Variants in FMNL2 observed in about 807,000 individuals in gnomAD.
FMNL2 encodes the protein formin-like protein 2.
In FMNL2, 51 loss-of-function variants were observed where a neutral mutation model predicts 130.2. That is an observed-to-expected ratio of 0.39 (90% CI 0.31 to 0.49). The LOEUF (loss-of-function observed/expected upper bound fraction) is 0.49. Ranked by LOEUF, FMNL2 falls within the 20% of genes least tolerant of loss-of-function variation. FMNL2 has a pLI of 0.85. For synonymous variants in FMNL2, 465 were observed against 467.1 expected (o/e 1.00, Z 0.06); for missense variants, 977 against 1,316.2 (o/e 0.74, Z 3.99).
intron 2 of FMNL2, 28 bp downstream of exon 2, chr2:152,522,054 GA>G: frequency 1.9e-6 from 3 of 1,562,832 alleles, no homozygotes; most frequent in East Asian, 2.3e-5. Flanking sequence ...TTTCTTTTAT[GA>G]AAAAAGTAAT....
At chr2:152,608,538 T>C (rs529831607) in intron 10 of FMNL2, among the ~76,000 whole-genome samples, 6 of 148,592 alleles carry the variant, frequency 4.0e-5, no homozygotes, top group African/African-American at 1.2e-4. Flanking sequence ...TATATATACT[T>C]TATATATATA....
Position 152,629,703 on chromosome 2 carries a change from A to G in FMNL2, c.2448A>G (p.Gln816=). Residue 816 remains glutamine (Q), a synonymous_variant, in exon 19 of 26, where the codon CAA becomes CAG. Coordinates refer to ENST00000288670, the MANE Select transcript of FMNL2 (RefSeq NM_052905.4). ...CATCTGTCTCTATAAAGTCGTCCCAAAAACTCAAGAAAATTCTGGAGGCAA... is the reference window on the plus strand; with the variant it reads ...CATCTGTCTCTATAAAGTCGTCCCAGAAACTCAAGAAAATTCTGGAGGCAA... ...IAASVSIKSS[Q]KLKKILEIIL... 7 of 1,602,824 alleles carry G rather than the reference A, an allele frequency of 4.4e-6. No individual in the cohort carries two copies. The highest frequency in any genetic ancestry group is 2.2e-5 in the East Asian group (1 of 44,636).
At chr2:152,634,159 G>C (rs924112184) in intron 21 of FMNL2, among the ~76,000 whole-genome samples, 1 of 152,174 alleles carries the variant, frequency 6.6e-6, no homozygotes, top group East Asian at 1.9e-4. Context: ...TATTATGGCC[G>C]GGTGCGGTAG....
intron 6 of FMNL2, among the ~76,000 whole-genome samples, chr2:152,564,848 AC>A (rs1695742392): frequency 8.6e-6 from 1 of 116,040 alleles, no homozygotes; most frequent in African/African-American, 3.4e-5. Context: ...GTCATACTTT[AC>A]TTTTTAATTA....
At chr2:152,402,969 A>G (rs998577837) in intron 1 of FMNL2, among the ~76,000 whole-genome samples, 26 of 152,270 alleles carry the variant, frequency 1.7e-4, no homozygotes, top group African/African-American at 5.3e-4. Flanking sequence ...TGGTTGTGAC[A>G]GTGTCCCAGA....
chr2:152,480,731 G>A (rs763367150), intron 1 of FMNL2, among the ~76,000 whole-genome samples: 7 of 151,822 alleles, frequency 4.6e-5, no homozygotes, highest in Non-Finnish European at 5.9e-5. Flanking sequence ...TCTACCAAGG[G>A]CTATGCAGTA....
At chr2:152,341,551 G>A (rs1205167558) in intron 1 of FMNL2, among the ~76,000 whole-genome samples, 1 of 152,192 alleles carries the variant, frequency 6.6e-6, no homozygotes, top group East Asian at 1.9e-4. Flanking sequence ...AATCATATTT[G>A]CTGCACCAAC....
intron 9 of FMNL2, among the ~76,000 whole-genome samples, chr2:152,602,959 A>G (rs74734477): frequency 9.2e-5 from 14 of 152,358 alleles, no homozygotes; most frequent in African/African-American, 3.1e-4. Flanking sequence ...TGTGAGCAGT[A>G]TGAACGAAGA....
intron 1 of FMNL2, among the ~76,000 whole-genome samples, chr2:152,486,346 T>C (rs1690828177): frequency 6.6e-6 from 1 of 152,236 alleles, no homozygotes; most frequent in South Asian, 2.1e-4. Flanking sequence ...TATACGATTC[T>C]TTCAGGAGCT....
chr2:152,453,481 T>C (rs1688768792), intron 1 of FMNL2, among the ~76,000 whole-genome samples: 1 of 152,108 alleles, frequency 6.6e-6, no homozygotes, highest in Non-Finnish European at 1.5e-5. Context: ...GACGATCCAG[T>C]TTGTGGATTG....
chr2:152,388,858 T>A (rs1052299671), intron 1 of FMNL2, among the ~76,000 whole-genome samples: 1 of 152,006 alleles, frequency 6.6e-6, no homozygotes, highest in Non-Finnish European at 1.5e-5. Context: ...TGTGGATGTC[T>A]ATGACTGTCT....
intron 21 of FMNL2, among the ~76,000 whole-genome samples, chr2:152,636,068 G>C (rs968168912): frequency 4.6e-5 from 7 of 152,140 alleles, no homozygotes; most frequent in African/African-American, 1.7e-4. Flanking sequence ...GGCTATTCTT[G>C]TAAGAGAAAT....
chr2:152,350,625 G>C (rs950587066), intron 1 of FMNL2, among the ~76,000 whole-genome samples: 2 of 152,192 alleles, frequency 1.3e-5, no homozygotes, highest in African/African-American at 4.8e-5. Flanking sequence ...GACAGGCAAG[G>C]TATTACGGAA....
intron 2 of FMNL2, among the ~76,000 whole-genome samples, chr2:152,537,135 C>T (rs1044365940): frequency 6.6e-6 from 1 of 152,178 alleles, no homozygotes; most frequent in Non-Finnish European, 1.5e-5. Flanking sequence ...TTAAGTCTGC[C>T]TGCCTGTGTC....
intron 1 of FMNL2, among the ~76,000 whole-genome samples, chr2:152,520,924 T>C (rs184862256): frequency 2.6e-5 from 4 of 152,330 alleles, no homozygotes; most frequent in African/African-American, 9.6e-5. Flanking sequence ...ACCTTTGCAT[T>C]TGTCTGCTTG....
At chr2:152,570,621 C>T (rs781485526) in intron 6 of FMNL2, among the ~76,000 whole-genome samples, 6 of 152,198 alleles carry the variant, frequency 3.9e-5, no homozygotes, top group Admixed American at 6.5e-5. Context: ...GTCACAACTT[C>T]TCCATATTTC....
Position 152,336,092 on chromosome 2 carries a change from A to AAAACAAAACAAAACAAAAC in FMNL2, c.117+375_117+376insCAAAACAAAACAAAACAAA, listed in dbSNP as rs1553861630. Among the ~76,000 whole-genome samples, 3 of 132,336 alleles carry AAAACAAAACAAAACAAAAC rather than the reference A, an allele frequency of 2.3e-5. No homozygotes were observed. In the East Asian group the frequency reaches 6.6e-4, roughly 29 times the overall value. 86.8% of individuals were successfully genotyped at this position (132,336 alleles called of 152,430 possible). On this transcript the variant is annotated intron_variant, in intron 1 of 25. Transcript: ENST00000288670. ...GAGCCGCTTAGGCTTTTTTTTTAAA[A>AAAACAAAACAAAACAAAAC]AAAACAAAACAAAACAAAACAAAAC...
At chr2:152,394,683 G>A (rs1685296985) in intron 1 of FMNL2, among the ~76,000 whole-genome samples, 1 of 146,316 alleles carries the variant, frequency 6.8e-6, no homozygotes, top group South Asian at 2.2e-4. Flanking sequence ...AAAGAAAAGT[G>A]CAATTAATAG....
chr2:152,496,210 C>T (rs1691513017), intron 1 of FMNL2, among the ~76,000 whole-genome samples: 1 of 152,086 alleles, frequency 6.6e-6, no homozygotes, highest in African/African-American at 2.4e-5. Context: ...GTTGTTATGT[C>T]TCTCCAGTTT....
Sources: gnomAD v4.1 joint callset for allele counts (sites outside exome capture counted in the v4.1 genomes callset) on GRCh38, gnomAD v4.1.1 for gene constraint, MANE v1.5 for transcripts, NCBI Gene and HGNC (gene_info 2026-07-23, HGNC 2026-07-21) for gene names.